The following ST8SIA6 variants were observed in gnomAD, a reference collection of about 807,000 sequenced individuals.
ST8SIA6 encodes alpha-2,8-sialyltransferase 8F.
A neutral mutation model predicts 33.6 loss-of-function variants in ST8SIA6; 39 were observed. That is an observed-to-expected ratio of 1.16 (90% confidence interval 0.90 to 1.52). The LOEUF is 1.52. Among genes scored for constraint, ST8SIA6 ranks in the 40% most tolerant of loss-of-function variants. The pLI is 0.00. For synonymous variants in ST8SIA6, 172 were observed against 167.2 expected (o/e 1.03, Z -0.22); for missense variants, 441 against 443.8 (o/e 0.99, Z 0.06).
At chr10:17,433,842 C>A (rs550704039) in intron 2 of ST8SIA6, among the ~76,000 whole-genome samples, 1 of 152,248 alleles carries the variant, frequency 6.6e-6, no homozygotes, top group South Asian at 2.1e-4. Flanking sequence ...TTCTAGCCCC[C>A]CTATCTACTT....
chr10:17,343,918 TC>T (rs1200045741), intron 4 of ST8SIA6, among the ~76,000 whole-genome samples: 2 of 152,210 alleles, frequency 1.3e-5, no homozygotes, highest in African/African-American at 4.8e-5. Flanking sequence ...CAAGCACTCT[TC>T]CAAGCACTTT....
At chr10:17,409,703 C>T in intron 2 of ST8SIA6, 1 of 152,346 alleles carries the variant, frequency 6.6e-6, no homozygotes, top group Non-Finnish European at 1.5e-5. Flanking sequence ...ATGGAGAAAC[C>T]CCGTCTCTAC....
At chr10:17,330,421 G>A (rs372251269) in intron 5 of ST8SIA6, among the ~76,000 whole-genome samples, 2 of 152,086 alleles carry the variant, frequency 1.3e-5, no homozygotes, top group East Asian at 1.9e-4. Context: ...ATTTCAGGGC[G>A]TCATGAGAAA....
At chr10:17,404,599 C>T (rs1442115475) in intron 2 of ST8SIA6, among the ~76,000 whole-genome samples, 1 of 152,178 alleles carries the variant, frequency 6.6e-6, no homozygotes, top group Admixed American at 6.5e-5. Context: ...TAAAATTCTT[C>T]ATCCCTCACC....
At chr10:17,426,057 T>C (rs1197555464) in intron 2 of ST8SIA6, among the ~76,000 whole-genome samples, 19 of 152,106 alleles carry the variant, frequency 1.2e-4, no homozygotes, top group Non-Finnish European at 1.0e-4. Context: ...CCCATAGCAT[T>C]ATTCAAACGA....
chr10:17,357,416 G>A lies in ST8SIA6; in HGVS notation c.377+2098C>T, dbSNP rs528953558. Among the ~76,000 whole-genome samples the A allele has an allele frequency of 1.5e-4, 23 of 151,892 alleles. No homozygotes were observed. In the South Asian group the frequency reaches 3.7e-3, roughly 25 times the overall value. On this transcript the variant is annotated intron_variant, in intron 4 of 7. Transcript: ENST00000377602. ...CTCCCAAAGTGCTGGGATTACAGGC[G>A]TGAGCCATACGCCCAGCCCCTTCAG...
intron 4 of ST8SIA6, among the ~76,000 whole-genome samples, chr10:17,346,893 C>T (rs899158359): frequency 3.9e-5 from 6 of 152,196 alleles, no homozygotes; most frequent in African/African-American, 7.2e-5. Flanking sequence ...ATCGATCTAT[C>T]GAGACTTAAG....
chr10:17,341,737 T>G (rs1848679422), intron 4 of ST8SIA6, among the ~76,000 whole-genome samples: 6 of 151,130 alleles, frequency 4.0e-5, no homozygotes, highest in Admixed American at 2.0e-4. Flanking sequence ...CCATCTCTAC[T>G]AAAAATACAA....
intron 3 of ST8SIA6, among the ~76,000 whole-genome samples, chr10:17,369,391 T>G (rs1849660402): frequency 6.6e-6 from 1 of 152,252 alleles, no homozygotes; most frequent in South Asian, 2.1e-4. Flanking sequence ...AAATTGTTTT[T>G]CTGCTATGTA....
intron 2 of ST8SIA6, among the ~76,000 whole-genome samples, chr10:17,394,977 T>G (rs560841481): frequency 6.6e-6 from 1 of 152,162 alleles, no homozygotes; most frequent in African/African-American, 2.4e-5. Flanking sequence ...CTGGGTGATG[T>G]GGTTTGGCTG....
intron 3 of ST8SIA6, among the ~76,000 whole-genome samples, chr10:17,362,946 G>A (rs1849441062): frequency 6.6e-6 from 1 of 152,102 alleles, no homozygotes; most frequent in Non-Finnish European, 1.5e-5. Context: ...TCCTGACCTT[G>A]TGATCTACCC....
At position 17,334,380 on chromosome 10, in the gene ST8SIA6, A is replaced by C. The variant is rs951944051; in HGVS notation, c.378-2828T>G. 5.9e-5 allele frequency among the ~76,000 whole-genome samples: 9 copies of C among 151,754 alleles called. No homozygotes were observed. The East Asian group carries it at 1.4e-3, about 23-fold the overall frequency. ...CGGTGAAACCCCATTTCTACTAAAA[A>C]TACAAAAAGTTAGCCGGGCACGGTG... On this transcript the variant is annotated intron_variant, in intron 4 of 7. Coordinates refer to ENST00000377602, the MANE Select transcript of ST8SIA6 (RefSeq NM_001004470.3).
At chr10:17,329,951 C>T (rs760295348) in intron 5 of ST8SIA6, among the ~76,000 whole-genome samples, 51 of 152,028 alleles carry the variant, frequency 3.4e-4, no homozygotes, top group African/African-American at 4.8e-4. Context: ...CGTTTAATGC[C>T]GTCTTCTTGT....
At chr10:17,400,628 C>G (rs186025739) in intron 2 of ST8SIA6, among the ~76,000 whole-genome samples, 1 of 152,158 alleles carries the variant, frequency 6.6e-6, no homozygotes, top group Non-Finnish European at 1.5e-5. Flanking sequence ...GTTCAACATA[C>G]GCAAATCACT....
rs1455274307 is a variant in ST8SIA6, at chr10:17,315,883, T to G, written c.*4995A>C. Among the ~76,000 whole-genome samples the G allele has an allele frequency of 6.6e-6, 1 of 152,024 alleles. No homozygotes were observed. The highest frequency in any genetic ancestry group is 1.5e-5 in the Non-Finnish European group (1 of 67,908). On this transcript the variant is annotated 3_prime_UTR_variant, in exon 8 of 8. Transcript: ENST00000377602. Reference sequence around the variant, plus strand: ...ACATAAATATGTGCCATTTATTACATGTCAATGACATGGGATAATACTGAT... The same window carrying G: ...ACATAAATATGTGCCATTTATTACAGGTCAATGACATGGGATAATACTGAT...
chr10:17,383,339 G>T (rs954557835), intron 3 of ST8SIA6, among the ~76,000 whole-genome samples: 2 of 151,902 alleles, frequency 1.3e-5, no homozygotes, highest in African/African-American at 4.8e-5. Flanking sequence ...TGGCTTATTT[G>T]GTATAAAAAT....
At chr10:17,381,517 T>A (rs1341878624) in intron 3 of ST8SIA6, among the ~76,000 whole-genome samples, 3 of 152,204 alleles carry the variant, frequency 2.0e-5, no homozygotes, top group South Asian at 4.1e-4. Flanking sequence ...AAAAGACTAG[T>A]CACATGCTTT....
chr10:17,447,797 TTAAC>T (rs1466397821), intron 2 of ST8SIA6, among the ~76,000 whole-genome samples: 1 of 152,030 alleles, frequency 6.6e-6, no homozygotes, highest in African/African-American at 2.4e-5. Context: ...GTAGATTAAT[TTAAC>T]TAATATTAAA....
intron 5 of ST8SIA6, among the ~76,000 whole-genome samples, chr10:17,330,048 G>A (rs535557584): frequency 1.3e-5 from 2 of 152,038 alleles, no homozygotes; most frequent in African/African-American, 2.4e-5. Flanking sequence ...CACGAGCCCC[G>A]TCTATGAAAG....
Sources: gnomAD v4.1 joint callset for allele counts (sites outside exome capture counted in the v4.1 genomes callset) on GRCh38, gnomAD v4.1.1 for gene constraint, MANE v1.5 for transcripts, NCBI Gene and HGNC (gene_info 2026-07-23, HGNC 2026-07-21) for gene names.